The following CACNA2D1 variants were observed in gnomAD, a reference collection of about 807,000 sequenced individuals.
The protein encoded by CACNA2D1 is voltage-dependent calcium channel subunit alpha-2/delta-1.
In CACNA2D1, 53 loss-of-function variants were observed where a neutral mutation model predicts 171.5. The ratio of observed to expected loss-of-function variants is 0.31; its 90% CI spans 0.25 to 0.39. The LOEUF (loss-of-function observed/expected upper bound fraction) is 0.39. Ranked by LOEUF, CACNA2D1 falls within the 10% of genes least tolerant of loss-of-function variation. The pLI is 1.00. For synonymous variants in CACNA2D1, 442 were observed against 443.1 expected (o/e 1.00, Z 0.03); for missense variants, 903 against 1,299.8 (o/e 0.69, Z 4.69).
At chr7:82,432,203 G>T (rs1268897776) in intron 1 of CACNA2D1, among the ~76,000 whole-genome samples, 1 of 152,134 alleles carries the variant, frequency 6.6e-6, no homozygotes, top group East Asian at 1.9e-4. Context: ...AGTTCAAACT[G>T]TGAATATCTA....
intron 5 of CACNA2D1, among the ~76,000 whole-genome samples, chr7:82,136,363 T>G (rs1791605528): frequency 6.6e-6 from 1 of 152,022 alleles, no homozygotes; most frequent in Non-Finnish European, 1.5e-5. Context: ...GAGTCCAGAG[T>G]ATCACAGTTG....
chr7:82,256,879 A>G (rs192899914), intron 3 of CACNA2D1, among the ~76,000 whole-genome samples: 20 of 152,300 alleles, frequency 1.3e-4, no homozygotes, highest in African/African-American at 3.4e-4. Flanking sequence ...ACTTATTAAT[A>G]CTTGGTACTT....
intron 3 of CACNA2D1, among the ~76,000 whole-genome samples, chr7:82,245,585 G>A (rs1004239771): frequency 6.6e-5 from 10 of 151,402 alleles, no homozygotes; most frequent in South Asian, 2.1e-4. Context: ...GAAGACTTTC[G>A]TAAATATTCA....
chr7:82,153,957 A>T (rs938970597), intron 4 of CACNA2D1, among the ~76,000 whole-genome samples: 1 of 152,164 alleles, frequency 6.6e-6, no homozygotes, highest in African/African-American at 2.4e-5. Context: ...AGAGCTTGTA[A>T]TCCTGTAATT....
intron 1 of CACNA2D1, among the ~76,000 whole-genome samples, chr7:82,436,122 G>A (rs537421231): frequency 1.3e-5 from 2 of 152,054 alleles, no homozygotes; most frequent in Admixed American, 6.6e-5. Flanking sequence ...AGCGCAGTAC[G>A]TAATTTGCAC....
intron 3 of CACNA2D1, among the ~76,000 whole-genome samples, chr7:82,228,454 T>C (rs1802576818): frequency 6.6e-6 from 1 of 152,198 alleles, no homozygotes; most frequent in South Asian, 2.1e-4. Context: ...TACTTGGTTA[T>C]ACATCATGGA....
chr7:82,094,467 C>CA (rs1411388166), intron 6 of CACNA2D1, among the ~76,000 whole-genome samples: 5 of 151,934 alleles, frequency 3.3e-5, no homozygotes, highest in African/African-American at 7.2e-5. Flanking sequence ...CATCTGTATA[C>CA]AAAAAAATCA....
intron 1 of CACNA2D1, among the ~76,000 whole-genome samples, chr7:82,398,820 T>C (rs1041119364): frequency 1.3e-5 from 2 of 151,628 alleles, no homozygotes; most frequent in Non-Finnish European, 1.5e-5. Context: ...CTCAAGAGAT[T>C]CTCCTGCCTC....
intron 6 of CACNA2D1, among the ~76,000 whole-genome samples, chr7:82,105,398 C>CTTTTTTTTTTTTTTT (rs572031121): frequency 2.0e-5 from 2 of 99,470 alleles, no homozygotes; most frequent in Non-Finnish European, 1.9e-5. Context: ...CAGTTTTTGT[C>CTTTTTTTTTTTTTTT]TTTTTTTTTT....
At chr7:82,254,405 T>C (rs1806033083) in intron 3 of CACNA2D1, among the ~76,000 whole-genome samples, 1 of 152,124 alleles carries the variant, frequency 6.6e-6, no homozygotes, top group Non-Finnish European at 1.5e-5. Flanking sequence ...GCTTCACTGA[T>C]GTATAACTGA....
intron 4 of CACNA2D1, among the ~76,000 whole-genome samples, chr7:82,168,569 G>A (rs1218178379): frequency 2.6e-5 from 4 of 152,062 alleles, no homozygotes; most frequent in African/African-American, 9.7e-5. Flanking sequence ...TTGTGTTTGT[G>A]TTGTGGTTAC....
intron 1 of CACNA2D1, among the ~76,000 whole-genome samples, chr7:82,434,184 A>AGTGG (rs1385256815): frequency 1.3e-5 from 2 of 152,212 alleles, no homozygotes; most frequent in East Asian, 3.9e-4. Flanking sequence ...CTTTTTCTGC[A>AGTGG]GTTGTTGGAA....
At chr7:81,967,824 C>A (rs1022512982) in intron 29 of CACNA2D1, among the ~76,000 whole-genome samples, 161 bp from the exon 30 acceptor site, 1 of 151,566 alleles carries the variant, frequency 6.6e-6, no homozygotes, top group African/African-American at 2.4e-5. Context: ...TAAACTATTA[C>A]ATAAATTGTA....
intron 3 of CACNA2D1, among the ~76,000 whole-genome samples, chr7:82,267,980 G>C (rs989427997): frequency 1.3e-5 from 2 of 152,128 alleles, no homozygotes; most frequent in African/African-American, 4.8e-5. Context: ...CTGAGTGACA[G>C]AGTGAGACTC....
At chr7:82,332,343 A>C (rs145622871) in intron 3 of CACNA2D1, among the ~76,000 whole-genome samples, 1 of 152,322 alleles carries the variant, frequency 6.6e-6, no homozygotes, top group East Asian at 1.9e-4. Flanking sequence ...GGCATGAGCC[A>C]CTGCATCTGA....
chr7:82,185,568 G>C (rs1461657251), intron 3 of CACNA2D1, among the ~76,000 whole-genome samples: 1 of 129,000 alleles, frequency 7.8e-6, no homozygotes, highest in Non-Finnish European at 1.6e-5. Flanking sequence ...GGGAGGGGGA[G>C]GAGAAGAAAA....
At chr7:82,205,480 A>G (rs1799921667) in intron 3 of CACNA2D1, among the ~76,000 whole-genome samples, 1 of 152,118 alleles carries the variant, frequency 6.6e-6, no homozygotes, top group African/African-American at 2.4e-5. Flanking sequence ...TTAAGTTTCA[A>G]CAAGTAGGAC....
At chr7:82,184,579 T>C (rs930878616) in intron 3 of CACNA2D1, among the ~76,000 whole-genome samples, 2 of 152,180 alleles carry the variant, frequency 1.3e-5, no homozygotes, top group East Asian at 3.9e-4. Context: ...ATAATTCTCA[T>C]ACTATTATCC....
At chr7:82,067,274 T>C (rs1807757326) in intron 7 of CACNA2D1, among the ~76,000 whole-genome samples, 1 of 152,150 alleles carries the variant, frequency 6.6e-6, no homozygotes, top group Non-Finnish European at 1.5e-5. Context: ...AAAAAATAAA[T>C]GCTGATGAAT....
Sources: gnomAD v4.1 joint callset for allele counts (sites outside exome capture counted in the v4.1 genomes callset) on GRCh38, gnomAD v4.1.1 for gene constraint, MANE v1.5 for transcripts, NCBI Gene and HGNC (gene_info 2026-07-23, HGNC 2026-07-21) for gene names.